The following ASIC2 variants were observed in gnomAD, a reference collection of about 807,000 sequenced individuals.
The protein encoded by ASIC2 is acid-sensing ion channel 2.
ASIC2 carries 25 observed loss-of-function variants against 57.3 expected under a neutral mutation model. That is an observed-to-expected ratio of 0.44 (90% CI 0.32 to 0.61). The LOEUF is 0.61. ASIC2 is among the 20% of genes least tolerant of loss of function. The probability of loss-of-function intolerance (pLI) is 0.06; values close to 1 mark genes in which losing one functional copy is unlikely to be tolerated. For synonymous variants in ASIC2, 319 were observed against 307.5 expected, an observed-to-expected ratio of 1.04 and a Z score of -0.39; for missense variants, 641 against 738.1, an observed-to-expected ratio of 0.87 and a Z score of 1.52.
chr17:33,623,194 T>C (rs1198890120), intron 1 of ASIC2, among the ~76,000 whole-genome samples: 2 of 152,106 alleles, frequency 1.3e-5, no homozygotes, highest in Non-Finnish European at 2.9e-5. Context: ...AGTTCTGTAA[T>C]TCCAACTCTA....
chr17:33,304,858 C>T (rs1906105765), intron 1 of ASIC2, among the ~76,000 whole-genome samples: 1 of 152,030 alleles, frequency 6.6e-6, no homozygotes, highest in South Asian at 2.1e-4. Context: ...CGCCTGGAGA[C>T]CTGGTTTGGT....
intron 3 of ASIC2, among the ~76,000 whole-genome samples, chr17:33,051,946 G>A (rs1598254162): frequency 6.6e-6 from 1 of 152,178 alleles, no homozygotes; most frequent in African/African-American, 2.4e-5. Context: ...GCAGCTACAT[G>A]TGCAAGCTGC....
intron 1 of ASIC2, among the ~76,000 whole-genome samples, chr17:33,990,567 T>C (rs1214543768): frequency 6.6e-6 from 1 of 152,090 alleles, no homozygotes; most frequent in Non-Finnish European, 1.5e-5. Flanking sequence ...GCTTCTTCTG[T>C]TTTCCCACAA....
chr17:33,836,078 AC>A (rs1913265615), intron 1 of ASIC2, among the ~76,000 whole-genome samples: 1 of 147,650 alleles, frequency 6.8e-6, no homozygotes, highest in Non-Finnish European at 1.5e-5. Flanking sequence ...ATACACACAC[AC>A]ACACATATAT....
chr17:33,459,926 C>A (rs1912580255), intron 1 of ASIC2, among the ~76,000 whole-genome samples: 1 of 152,042 alleles, frequency 6.6e-6, no homozygotes, highest in Admixed American at 6.6e-5. Flanking sequence ...GCACCAAGTT[C>A]ATTTAGTCCT....
intron 1 of ASIC2, among the ~76,000 whole-genome samples, chr17:33,603,771 C>T (rs1905164206): frequency 6.6e-6 from 1 of 152,106 alleles, no homozygotes; most frequent in African/African-American, 2.4e-5. Context: ...GTTATTTAAC[C>T]CAATAGAAGT....
chr17:33,574,813 T>C (rs1410340277), intron 1 of ASIC2, among the ~76,000 whole-genome samples: 1 of 152,040 alleles, frequency 6.6e-6, no homozygotes, highest in Non-Finnish European at 1.5e-5. Context: ...GGCACATTTA[T>C]TGTGTCTGAA....
At chr17:33,254,150 G>A (rs1291862867) in intron 1 of ASIC2, among the ~76,000 whole-genome samples, 3 of 152,190 alleles carry the variant, frequency 2.0e-5, no homozygotes, top group Non-Finnish European at 4.4e-5. Flanking sequence ...CTGCTAAGGA[G>A]GCTCAGGCAA....
At chr17:33,235,452 C>T (rs1296119790) in intron 1 of ASIC2, among the ~76,000 whole-genome samples, 3 of 152,188 alleles carry the variant, frequency 2.0e-5, no homozygotes, top group African/African-American at 7.2e-5. Context: ...AGAGTCCCTG[C>T]TCTAATTCCA....
intron 1 of ASIC2, among the ~76,000 whole-genome samples, chr17:34,146,030 G>C (rs1003721943): frequency 8.5e-5 from 13 of 152,202 alleles, no homozygotes; most frequent in Non-Finnish European, 8.8e-5. Context: ...TAGAATGTGA[G>C]CAGCTGAGAG....
chr17:33,546,694 A>C (rs2141973370), intron 1 of ASIC2, among the ~76,000 whole-genome samples: 1 of 152,286 alleles, frequency 6.6e-6, no homozygotes, highest in Non-Finnish European at 1.5e-5. Flanking sequence ...TGGGTAGGGC[A>C]ATTCTGTCCC....
At chr17:34,003,885 A>T (rs1199471758) in intron 1 of ASIC2, 1 of 152,132 alleles carries the variant, frequency 6.6e-6, no homozygotes, top group Non-Finnish European at 1.5e-5. Context: ...TATCATTGGC[A>T]CTTGGCCTGA....
intron 1 of ASIC2, among the ~76,000 whole-genome samples, chr17:33,855,677 A>G (rs1199247780): frequency 1.3e-5 from 2 of 151,980 alleles, no homozygotes; most frequent in Non-Finnish European, 2.9e-5. Context: ...GATGATAATG[A>G]TGATGGGGGC....
chr17:33,050,802 T>C (rs1020429605), intron 3 of ASIC2, among the ~76,000 whole-genome samples: 4 of 152,010 alleles, frequency 2.6e-5, no homozygotes, highest in Non-Finnish European at 5.9e-5. Context: ...GAGACTGGCA[T>C]GTGGAAACAC....
At chr17:33,398,716 A>C (rs1466358784) in intron 1 of ASIC2, among the ~76,000 whole-genome samples, 1 of 152,174 alleles carries the variant, frequency 6.6e-6, no homozygotes, top group Non-Finnish European at 1.5e-5. Flanking sequence ...TTTGGTCTTC[A>C]CAAAATCCTT....
chr17:33,799,470 CTTTCT>C (rs1912060412), intron 1 of ASIC2, among the ~76,000 whole-genome samples: 1 of 130,894 alleles, frequency 7.6e-6, no homozygotes, highest in African/African-American at 2.9e-5. Context: ...TTCTTTCTTT[CTTTCT>C]TTCCTTCTTT....
chr17:33,845,890 A>G (rs1197693642), intron 1 of ASIC2, among the ~76,000 whole-genome samples: 2 of 152,222 alleles, frequency 1.3e-5, no homozygotes, highest in Non-Finnish European at 2.9e-5. Context: ...ATTGCCTCCA[A>G]CCTTGCCAAA....
intron 1 of ASIC2, among the ~76,000 whole-genome samples, chr17:33,533,244 G>T (rs1915112275): frequency 6.6e-6 from 1 of 152,146 alleles, no homozygotes; most frequent in Non-Finnish European, 1.5e-5. Flanking sequence ...TACTAGGGAG[G>T]CTGAGGCAGG....
intron 1 of ASIC2, among the ~76,000 whole-genome samples, chr17:34,020,366 C>T (rs1012108575): frequency 2.6e-5 from 4 of 152,180 alleles, no homozygotes; most frequent in Admixed American, 6.5e-5. Context: ...TTCAGCTAGC[C>T]CTTGAGGGCC....
Sources: allele counts gnomAD v4.1 joint callset (sites outside exome capture counted in the v4.1 genomes callset), GRCh38; gene constraint gnomAD v4.1.1; transcripts MANE v1.5; gene names NCBI Gene and HGNC (gene_info 2026-07-23, HGNC 2026-07-21).